The following LINGO2 variants were observed in gnomAD, a reference collection of about 807,000 sequenced individuals.
The protein encoded by LINGO2 is leucine rich repeat and Ig domain containing 2.
In LINGO2, 14 loss-of-function variants were observed where a neutral mutation model predicts 30.6. The ratio of observed to expected loss-of-function variants is 0.46; its 90% CI spans 0.30 to 0.72. The LOEUF (loss-of-function observed/expected upper bound fraction) is 0.72, where lower values mean the gene tolerates loss of function less well. Among genes scored for constraint, LINGO2 ranks in the 30% least tolerant of loss-of-function variants. LINGO2 has a pLI of 0.07. For missense variants in LINGO2, 729 were observed against 751.7 expected (o/e 0.97, Z 0.35); for synonymous variants, 317 against 288.5 (o/e 1.10, Z -1.00).
chr9:28,369,084 C>T (rs377312585), intron 3 of LINGO2, among the ~76,000 whole-genome samples: 5 of 152,268 alleles, frequency 3.3e-5, no homozygotes, highest in African/African-American at 1.2e-4. Flanking sequence ...TTTCAACCCC[C>T]ATTTTAATGT....
Position 28,005,809 on chromosome 9 carries a change from AGAG to A in LINGO2, c.-36+6543_-36+6545del, listed in dbSNP as rs371054389. Among the ~76,000 whole-genome samples the A allele has an allele frequency of 9.4e-3, 1,432 of 152,058 alleles. 12 individuals carry two copies. Among genetic ancestry groups the A allele is most frequent in the Middle Eastern group, 0.02 (6 of 294 alleles). On this transcript the variant is annotated intron_variant, in intron 5 of 5. Coordinates refer to ENST00000379992, the Ensembl canonical transcript of LINGO2. Reference sequence around the variant, plus strand: ...CTTTATAGGGCCACCAAGACAGAGCAGAGGAGAAACAGCTTCATAAGAAAGCAT... The same window carrying A: ...CTTTATAGGGCCACCAAGACAGAGCAGAGAAACAGCTTCATAAGAAAGCAT...
rs538917351 is a variant in LINGO2, at chr9:28,517,476, G to T, written c.-364-41451C>A. Among the ~76,000 whole-genome samples the T allele has an allele frequency of 2.3e-4, 35 of 152,270 alleles. No homozygotes were observed. In the South Asian group the frequency reaches 6.8e-3, roughly 30 times the overall value. ...GTACCTGTTAAGTGCTAAATTAAAA[G>T]AATTGGAGGGGAGGAAGACACTATT... is the stretch of plus-strand genomic sequence containing the variant. On this transcript the variant is annotated intron_variant, in intron 1 of 5. Transcript: ENST00000379992.
intron 5 of LINGO2, among the ~76,000 whole-genome samples, chr9:27,983,958 G>A (rs1039297762): frequency 6.6e-6 from 1 of 151,812 alleles, no homozygotes; most frequent in Non-Finnish European, 1.5e-5. Flanking sequence ...ACAGTTCCAG[G>A]GCTGTGCAGT....
intron 4 of LINGO2, among the ~76,000 whole-genome samples, chr9:28,218,534 T>C: frequency 6.6e-6 from 1 of 152,102 alleles, no homozygotes; most frequent in East Asian, 1.9e-4. Flanking sequence ...CCATGGCCTC[T>C]AATAATTTTG....
the LINGO2 span, among the ~76,000 whole-genome samples, chr9:29,054,200 T>G: frequency 3.9e-5 from 6 of 152,122 alleles, no homozygotes; most frequent in Admixed American, 1.3e-4. Flanking sequence ...AGCAGCCCAA[T>G]TGTACAACAA....
At chr9:29,137,195 G>A in the LINGO2 span, among the ~76,000 whole-genome samples, 1 of 151,974 alleles carries the variant, frequency 6.6e-6, no homozygotes, top group Non-Finnish European at 1.5e-5. Context: ...TGAGACTTCC[G>A]GACAGTATAC....
At chr9:28,362,973 A>C (rs1820511333) in intron 3 of LINGO2, among the ~76,000 whole-genome samples, 1 of 152,220 alleles carries the variant, frequency 6.6e-6, no homozygotes. Flanking sequence ...ACATATGGTC[A>C]AAGTGTAGAG....
chr9:29,192,727 C>A, the LINGO2 span, among the ~76,000 whole-genome samples: 1 of 152,092 alleles, frequency 6.6e-6, no homozygotes, highest in Admixed American at 6.5e-5. Flanking sequence ...TTTTCTGTAC[C>A]TCACAGGCCT....
At chr9:28,152,651 A>T (rs1416560852) in intron 4 of LINGO2, among the ~76,000 whole-genome samples, 1 of 152,222 alleles carries the variant, frequency 6.6e-6, no homozygotes, top group Non-Finnish European at 1.5e-5. Context: ...CTAAATGTCA[A>T]TAGGACAACT....
chr9:28,078,657 C>T (rs1268886878), intron 4 of LINGO2, among the ~76,000 whole-genome samples: 1 of 147,900 alleles, frequency 6.8e-6, no homozygotes, highest in Non-Finnish European at 1.5e-5. Flanking sequence ...TTGAGACCAG[C>T]CTAACATGGA....
chr9:28,108,562 A>G (rs1030788146), intron 4 of LINGO2, among the ~76,000 whole-genome samples: 1 of 152,080 alleles, frequency 6.6e-6, no homozygotes, highest in African/African-American at 2.4e-5. Flanking sequence ...GAAAAAATAT[A>G]TTCTCAGGAG....
chr9:28,506,491 C>T (rs367809795), intron 1 of LINGO2, among the ~76,000 whole-genome samples: 65,463 of 78,310 alleles, frequency 0.84, 27,223 homozygotes, highest in South Asian at 0.88. Flanking sequence ...TACACATACA[C>T]ACACACACAC....
At chr9:27,974,991 A>T in intron 5 of LINGO2, among the ~76,000 whole-genome samples, 1 of 152,148 alleles carries the variant, frequency 6.6e-6, no homozygotes, top group South Asian at 2.1e-4. Context: ...GACATACTCC[A>T]CATTGTTCAT....
At chr9:28,033,100 C>CA (rs1478482607) in intron 4 of LINGO2, among the ~76,000 whole-genome samples, 1 of 152,184 alleles carries the variant, frequency 6.6e-6, no homozygotes, top group Non-Finnish European at 1.5e-5. Context: ...AAACCCTCTG[C>CA]ATTTGCTGCT....
At chr9:28,892,701 T>C in the LINGO2 span, among the ~76,000 whole-genome samples, 1 of 151,978 alleles carries the variant, frequency 6.6e-6, no homozygotes, top group African/African-American at 2.4e-5. Context: ...GATAACTGTA[T>C]TGACTTTAAT....
the LINGO2 span, among the ~76,000 whole-genome samples, chr9:29,158,952 G>T: frequency 5.2e-3 from 790 of 152,298 alleles, 4 homozygotes; most frequent in Non-Finnish European, 7.2e-3. Flanking sequence ...TTATGAAAGA[G>T]AAGCCTTCAT....
the LINGO2 span, among the ~76,000 whole-genome samples, chr9:28,849,481 C>G: frequency 1.3e-5 from 2 of 151,880 alleles, no homozygotes; most frequent in East Asian, 1.9e-4. Context: ...TAGAGTTTAC[C>G]AAAGACTAAA....
chr9:28,961,012 C>CA, the LINGO2 span, among the ~76,000 whole-genome samples: 1 of 152,156 alleles, frequency 6.6e-6, no homozygotes, highest in South Asian at 2.1e-4. Flanking sequence ...GACCAAATGC[C>CA]ATGAAATCAG....
At chr9:28,736,941 A>C in the LINGO2 span, among the ~76,000 whole-genome samples, 1 of 152,242 alleles carries the variant, frequency 6.6e-6, no homozygotes, top group East Asian at 1.9e-4. Context: ...GCTTGTGGTA[A>C]ATTGCTATAA....
Sources: allele counts gnomAD v4.1 joint callset (sites outside exome capture counted in the v4.1 genomes callset), GRCh38; gene constraint gnomAD v4.1.1; transcripts MANE v1.5; gene names NCBI Gene and HGNC (gene_info 2026-07-23, HGNC 2026-07-21).